HSDL2: variants seen among roughly 807,000 people sequenced by gnomAD.
The protein encoded by HSDL2 is hydroxysteroid dehydrogenase-like protein 2.
A neutral mutation model predicts 46.3 loss-of-function variants in HSDL2; 27 were observed. The ratio of observed to expected loss-of-function variants is 0.58; its 90% CI spans 0.43 to 0.80. HSDL2 has a LOEUF of 0.80. Ranked by LOEUF, HSDL2 falls within the 30% of genes least tolerant of loss-of-function variation. HSDL2 has a pLI of 0.00. For missense variants in HSDL2, 451 were observed against 502.7 expected (o/e 0.90, Z 0.98); for synonymous variants, 153 against 163.6 (o/e 0.94, Z 0.50).
chr9:112,401,683 T>G (rs1186845518), intron 1 of HSDL2, among the ~76,000 whole-genome samples: 2 of 148,238 alleles, frequency 1.3e-5, no homozygotes, highest in African/African-American at 5.0e-5. Flanking sequence ...AACAAGGGAG[T>G]GCATAACATT....
intron 6 of HSDL2, among the ~76,000 whole-genome samples, chr9:112,425,262 T>C (rs1832219820): frequency 6.6e-6 from 1 of 152,220 alleles, no homozygotes; most frequent in Non-Finnish European, 1.5e-5. Context: ...TGTGTAATGT[T>C]CCTATCTACT....
chr9:112,380,895 G>A (rs1831073874), intron 1 of HSDL2, among the ~76,000 whole-genome samples: 1 of 152,174 alleles, frequency 6.6e-6, no homozygotes, highest in African/African-American at 2.4e-5. Flanking sequence ...TGTAAGGTCT[G>A]GGTATCTTGA....
At chr9:112,445,968 A>C (rs920299900) in intron 8 of HSDL2, among the ~76,000 whole-genome samples, 1 of 152,248 alleles carries the variant, frequency 6.6e-6, no homozygotes, top group Non-Finnish European at 1.5e-5. Flanking sequence ...AGAATTGATG[A>C]ATCTGTATTG....
intron 10 of HSDL2, among the ~76,000 whole-genome samples, chr9:112,470,007 T>A (rs1028187757): frequency 2.0e-5 from 3 of 152,220 alleles, no homozygotes; most frequent in African/African-American, 7.2e-5. Flanking sequence ...ACTATACTTT[T>A]AATGATCATT....
intron 1 of HSDL2, among the ~76,000 whole-genome samples, chr9:112,398,932 G>A (rs1564106754): frequency 6.6e-6 from 1 of 152,134 alleles, no homozygotes; most frequent in Non-Finnish European, 1.5e-5. Flanking sequence ...GACTTCGTGT[G>A]ACCCATAGTT....
chr9:112,456,012 T>C (rs1253454350), intron 9 of HSDL2, among the ~76,000 whole-genome samples: 1 of 152,218 alleles, frequency 6.6e-6, no homozygotes, highest in Non-Finnish European at 1.5e-5. Flanking sequence ...AGATTCTGCA[T>C]GTCTGACAGG....
chr9:112,414,589 A>T (rs561383271), intron 4 of HSDL2, among the ~76,000 whole-genome samples: 210 of 124,460 alleles, frequency 1.7e-3, no homozygotes, highest in African/African-American at 5.5e-3. Context: ...CTTGTCCCAT[A>T]GATCAAAGGA....
chr9:112,411,580 C>T (rs1163551399), intron 4 of HSDL2, among the ~76,000 whole-genome samples: 1 of 152,160 alleles, frequency 6.6e-6, no homozygotes, highest in Non-Finnish European at 1.5e-5. Flanking sequence ...GAGGCTGAGG[C>T]AGGAGAATCG....
At chr9:112,418,055 C>CA (rs1487268115) in intron 5 of HSDL2, among the ~76,000 whole-genome samples, 1 of 151,956 alleles carries the variant, frequency 6.6e-6, no homozygotes, top group Non-Finnish European at 1.5e-5. Context: ...CCAGCCTGGG[C>CA]AACAGAGTGA....
Position 112,418,907 on chromosome 9 carries a change from G to A in HSDL2, c.547G>A (p.Ala183Thr). Residue 183 changes from alanine (A) to threonine (T), a missense_variant, in exon 6 of 11, where the codon GCA becomes ACA. Ala to Thr is a moderately conservative substitution (Grantham distance 58). Coordinates refer to ENST00000398805, the MANE Select transcript of HSDL2 (RefSeq NM_032303.5). ...TATGTCTATGTATGTGCTTGGAATG[G>A]CAGAAGAATTTAAAGGTGAAATTGC... The part of the protein sequence containing the change: ...YGMSMYVLGM[A>T]EEFKGEIAVN... The A allele has an allele frequency of 6.2e-7, 1 of 1,605,896 alleles. No homozygotes were observed. The highest frequency in any genetic ancestry group is 8.5e-7 in the Non-Finnish European group (1 of 1,174,462).
At chr9:112,447,292 T>A (rs560275615) in intron 8 of HSDL2, among the ~76,000 whole-genome samples, 102 of 152,322 alleles carry the variant, frequency 6.7e-4, no homozygotes, top group African/African-American at 2.3e-3. Context: ...AGGTTTTTTT[T>A]GTCTCCTGAA....
chr9:112,399,111 AT>A (rs1831530065), intron 1 of HSDL2, among the ~76,000 whole-genome samples: 1 of 152,152 alleles, frequency 6.6e-6, no homozygotes, highest in Non-Finnish European at 1.5e-5. Flanking sequence ...CCTACCCCTA[AT>A]ATTTCAATGT....
chr9:112,455,403 C>T (rs1436775042), intron 9 of HSDL2, among the ~76,000 whole-genome samples: 1 of 152,176 alleles, frequency 6.6e-6, no homozygotes, highest in African/African-American at 2.4e-5. Context: ...TGGAATCCAT[C>T]ATCCATGGCT....
chr9:112,415,997 T>C (rs1306500592), intron 4 of HSDL2, among the ~76,000 whole-genome samples: 1 of 151,822 alleles, frequency 6.6e-6, no homozygotes, highest in East Asian at 1.9e-4. Context: ...TAGTCCCAGC[T>C]ACTCAGGAGA....
At chr9:112,453,920 T>A in intron 8 of HSDL2, 93 bp from the exon 9 acceptor site, 1 of 1,237,468 alleles carries the variant, frequency 8.1e-7, no homozygotes, top group Admixed American at 2.7e-5. Context: ...ATAGGTCTAA[T>A]TGGTGGCAAG....
intron 1 of HSDL2, among the ~76,000 whole-genome samples, chr9:112,395,550 G>A (rs993339053): frequency 6.6e-6 from 1 of 152,176 alleles, no homozygotes; most frequent in Non-Finnish European, 1.5e-5. Context: ...CATTGATAAT[G>A]AGCTGCAGGC....
In HSDL2 at chr9:112,417,192, T is replaced by C. The variant is rs572610266; in HGVS notation, c.499+248T>C. 2.0e-5 allele frequency among the ~76,000 whole-genome samples: 3 copies of C among 152,316 alleles called. No individual in the cohort carries two copies. The South Asian group carries it at 6.2e-4, about 32-fold the overall frequency. Reference sequence around the variant, plus strand: ...GTTCAGTTTGATGAGTTTTGAGAAATGTATATAACCAACACCCAAATCAAG... The same window carrying C: ...GTTCAGTTTGATGAGTTTTGAGAAACGTATATAACCAACACCCAAATCAAG... On this transcript the variant is annotated intron_variant, in intron 5 of 10. Coordinates refer to ENST00000398805, the MANE Select transcript of HSDL2 (RefSeq NM_032303.5).
Position 112,416,954 on chromosome 9 carries a change from AGGTGGTAG to A in HSDL2, c.499+15_499+22del. 1 of 1,363,202 alleles carries A rather than the reference AGGTGGTAG, an allele frequency of 7.3e-7. No homozygotes were observed. Among genetic ancestry groups the A allele is most frequent in the Non-Finnish European group, 1.0e-6 (1 of 954,838 alleles). The allele number at this position is 1,363,202 out of a possible 1,614,324, so 84.4% of individuals were successfully genotyped here. Reference sequence around the variant, plus strand: ...TTCAAACAGCACTGTGGTAGGTGGTAGGTGGTAGGGTGAGGGGATGGTTTGTGCTTAAT... The same window carrying A: ...TTCAAACAGCACTGTGGTAGGTGGTAGGTGAGGGGATGGTTTGTGCTTAAT... On this transcript the variant is annotated intron_variant, in intron 5 of 10. Coordinates refer to ENST00000398805, the MANE Select transcript of HSDL2 (RefSeq NM_032303.5).
intron 6 of HSDL2, among the ~76,000 whole-genome samples, chr9:112,437,195 A>C (rs540378571): frequency 6.6e-6 from 1 of 152,022 alleles, no homozygotes; most frequent in South Asian, 2.1e-4. Context: ...CCTGACCTCA[A>C]GTGATCCACC....
Sources: allele counts gnomAD v4.1 joint callset (sites outside exome capture counted in the v4.1 genomes callset), GRCh38; gene constraint gnomAD v4.1.1; transcripts MANE v1.5; gene names NCBI Gene and HGNC (gene_info 2026-07-23, HGNC 2026-07-21).